TEX10: variants seen among roughly 807,000 people sequenced by gnomAD.
TEX10 encodes the protein testis-expressed protein 10.
TEX10 carries 24 observed loss-of-function variants against 104.4 expected under a neutral mutation model. The ratio of observed to expected loss-of-function variants is 0.23; its 90% CI spans 0.17 to 0.32. TEX10 has a LOEUF of 0.32. Among genes scored for constraint, TEX10 ranks in the 10% least tolerant of loss-of-function variants. The probability of loss-of-function intolerance (pLI) is 1.00; values close to 1 mark genes in which losing one functional copy is unlikely to be tolerated. For missense variants in TEX10, 921 were observed against 1,083.9 expected, an observed-to-expected ratio of 0.85 and a Z score of 2.11; for synonymous variants, 396 against 393.4, an observed-to-expected ratio of 1.01 and a Z score of -0.08.
At chr9:100,341,910 G>T (rs1225432025) in intron 4 of TEX10, among the ~76,000 whole-genome samples, 2 of 152,110 alleles carry the variant, frequency 1.3e-5, no homozygotes, top group African/African-American at 4.8e-5. Flanking sequence ...ATATAATGCA[G>T]ATCATGCCAC....
At chr9:100,319,876 G>T (rs1182025903) in intron 11 of TEX10, among the ~76,000 whole-genome samples, 12 of 152,106 alleles carry the variant, frequency 7.9e-5, no homozygotes, top group African/African-American at 2.9e-4. Context: ...AAGAATTTGG[G>T]TTTTAAATTT....
chr9:100,328,023 C>T (rs953846543), intron 7 of TEX10, 61 bp from the exon 8 acceptor site: 3 of 1,271,310 alleles, frequency 2.4e-6, no homozygotes, highest in Admixed American at 6.0e-5. Context: ...TAAATTTAAA[C>T]AAAAAAAAAA....
chr9:100,313,411 A>C (rs1834328513), intron 11 of TEX10, among the ~76,000 whole-genome samples: 1 of 151,730 alleles, frequency 6.6e-6, no homozygotes, highest in Admixed American at 6.6e-5. Flanking sequence ...GCTACTCGGG[A>C]GGCTAAGGCA....
intron 11 of TEX10, among the ~76,000 whole-genome samples, chr9:100,317,567 G>C (rs919656090): frequency 2.0e-5 from 3 of 152,114 alleles, no homozygotes; most frequent in African/African-American, 7.2e-5. Context: ...TCTGGACATT[G>C]ATCTAGACAA....
intron 9 of TEX10, among the ~76,000 whole-genome samples, chr9:100,325,097 A>C (rs527461597): frequency 6.6e-6 from 1 of 152,216 alleles, no homozygotes; most frequent in Non-Finnish European, 1.5e-5. Flanking sequence ...TCAGTTATGA[A>C]GCACACTTCC....
intron 8 of TEX10, among the ~76,000 whole-genome samples, chr9:100,327,519 G>A (rs561592672): frequency 1.3e-4 from 19 of 151,600 alleles, no homozygotes; most frequent in Admixed American, 1.2e-3. Context: ...GAATTTTTAA[G>A]TATCAGATTA....
chr9:100,317,607 A>G (rs971570682), intron 11 of TEX10, among the ~76,000 whole-genome samples: 4 of 152,186 alleles, frequency 2.6e-5, no homozygotes, highest in Non-Finnish European at 5.9e-5. Context: ...CCAAAAGCAC[A>G]AGCAACAAAA....
intron 11 of TEX10, among the ~76,000 whole-genome samples, chr9:100,313,036 A>G (rs1483581378): frequency 1.3e-5 from 2 of 152,170 alleles, no homozygotes; most frequent in Admixed American, 6.5e-5. Flanking sequence ...TTGGTATACC[A>G]ACAACAACAA....
At chr9:100,331,270 A>T (rs1365571734) in intron 5 of TEX10, among the ~76,000 whole-genome samples, 2 of 152,004 alleles carry the variant, frequency 1.3e-5, no homozygotes, top group African/African-American at 4.8e-5. Flanking sequence ...TCAAAAAAAT[A>T]AATAAATAAA....
At chr9:100,345,349 C>T (rs1037117073) in intron 4 of TEX10, among the ~76,000 whole-genome samples, 1 of 152,204 alleles carries the variant, frequency 6.6e-6, no homozygotes, top group Non-Finnish European at 1.5e-5. Context: ...TCATTCTAAA[C>T]TTCAACTTGA....
intron 11 of TEX10, among the ~76,000 whole-genome samples, chr9:100,315,241 G>A (rs1029561349): frequency 2.0e-5 from 3 of 152,126 alleles, no homozygotes; most frequent in Non-Finnish European, 4.4e-5. Flanking sequence ...GCAGTTTGTT[G>A]AGTAGAATAT....
At chr9:100,339,046 G>C (rs921722927) in intron 5 of TEX10, among the ~76,000 whole-genome samples, 1 of 151,298 alleles carries the variant, frequency 6.6e-6, no homozygotes, top group South Asian at 2.1e-4. Flanking sequence ...TTGAGGTCGG[G>C]AGTTCAAGAC....
chr9:100,311,397 C>T (rs1334991403), intron 11 of TEX10, among the ~76,000 whole-genome samples: 1 of 152,022 alleles, frequency 6.6e-6, no homozygotes, highest in East Asian at 1.9e-4. Context: ...GAGACACTGT[C>T]TCCAAAAAAT....
At chr9:100,309,584 AAG>A (rs968923226) in intron 12 of TEX10, among the ~76,000 whole-genome samples, 1 of 152,190 alleles carries the variant, frequency 6.6e-6, no homozygotes, top group African/African-American at 2.4e-5. Flanking sequence ...AGCAGGGAGA[AAG>A]TACTAGGAAT....
At chr9:100,326,181 T>C in intron 9 of TEX10, 121 bp downstream of exon 9, 2 of 988,002 alleles carry the variant, frequency 2.0e-6, no homozygotes, top group Non-Finnish European at 2.9e-6. Context: ...GTTTTAATTG[T>C]TGCATTAAGA....
At chr9:100,327,727 T>C in intron 8 of TEX10, 60 bp downstream of exon 8, 3 of 1,362,214 alleles carry the variant, frequency 2.2e-6, no homozygotes, top group Non-Finnish European at 2.9e-6. Flanking sequence ...CTTAAAAACT[T>C]CTTTTGTATA....
intron 5 of TEX10, among the ~76,000 whole-genome samples, chr9:100,336,992 T>C (rs955504043): frequency 6.6e-6 from 1 of 152,206 alleles, no homozygotes; most frequent in Non-Finnish European, 1.5e-5. Flanking sequence ...TAATTCCTTT[T>C]CTTTTTTCCC....
intron 11 of TEX10, among the ~76,000 whole-genome samples, chr9:100,317,114 C>T (rs1564206103): frequency 6.6e-6 from 1 of 152,010 alleles, no homozygotes; most frequent in South Asian, 2.1e-4. Flanking sequence ...ATACCAGTAT[C>T]ATTTTTCACA....
At chr9:100,337,318 T>C (rs1015686144) in intron 5 of TEX10, among the ~76,000 whole-genome samples, 1 of 152,216 alleles carries the variant, frequency 6.6e-6, no homozygotes, top group African/African-American at 2.4e-5. Context: ...TGATACATTT[T>C]TCAATAATTT....
Sources: gnomAD v4.1 joint callset for allele counts (sites outside exome capture counted in the v4.1 genomes callset) on GRCh38, gnomAD v4.1.1 for gene constraint, MANE v1.5 for transcripts, NCBI Gene and HGNC (gene_info 2026-07-23, HGNC 2026-07-21) for gene names.